Variants in TRAPPC10 observed in about 807,000 individuals in gnomAD.
TRAPPC10 encodes TRAPP 130 kDa subunit.
Under a neutral mutation model 125.5 loss-of-function variants are expected in TRAPPC10, and 23 were observed. That is an observed-to-expected ratio of 0.18 (90% CI 0.13 to 0.26). The LOEUF (loss-of-function observed/expected upper bound fraction) is 0.26, where lower values mean the gene tolerates loss of function less well. Among genes scored for constraint, TRAPPC10 ranks in the 10% least tolerant of loss-of-function variants. The pLI, the probability that TRAPPC10 is intolerant of heterozygous loss-of-function variation, is 1.00. For missense variants in TRAPPC10, 1,123 were observed against 1,308.4 expected (o/e 0.86, Z 2.19); for synonymous variants, 509 against 518.0 (o/e 0.98, Z 0.24).
intron 1 of TRAPPC10, among the ~76,000 whole-genome samples, chr21:44,012,991 G>A (rs977294085): frequency 6.6e-6 from 1 of 152,214 alleles, no homozygotes; most frequent in African/African-American, 2.4e-5. Context: ...GTCCTTGGGG[G>A]CTCGCAGAGT....
In TRAPPC10 at chr21:44,073,525, TC is replaced by T. The variant is rs563014856; in HGVS notation, c.1039-798del. ...CGATTTTGCTTTTCTGATAGTGTTT[TC>T]TTTTTTTTGTTTTTTAAGTGGAAAG... On this transcript the variant is annotated intron_variant, in intron 7 of 22. Transcript: ENST00000291574. 6.2e-3 allele frequency among the ~76,000 whole-genome samples: 947 copies of T among 152,292 alleles called. 14 individuals carry two copies. The highest frequency in any genetic ancestry group is 0.021 in the African/African-American group (876 of 41,546).
intron 15 of TRAPPC10, among the ~76,000 whole-genome samples, chr21:44,084,884 G>A (rs546228055): frequency 1.3e-5 from 2 of 152,348 alleles, no homozygotes; most frequent in African/African-American, 4.8e-5. Flanking sequence ...ATTATTATAA[G>A]GGATATAGAT....
At chr21:44,091,857 A>G in intron 18 of TRAPPC10, 66 bp from the exon 19 acceptor site, 1 of 1,507,350 alleles carries the variant, frequency 6.6e-7, no homozygotes, top group Admixed American at 1.8e-5. Context: ...TCTCCTTAAC[A>G]AAGCTAAGAT....
chr21:44,032,211 A>T, intron 2 of TRAPPC10, 39 bp downstream of exon 2: 1 of 1,507,302 alleles, frequency 6.6e-7, no homozygotes, highest in Non-Finnish European at 9.1e-7. Context: ...CCCTCTCTTC[A>T]TTTTTTAAAA....
chr21:44,069,440 A>G (rs891221857), intron 7 of TRAPPC10, among the ~76,000 whole-genome samples: 27 of 152,232 alleles, frequency 1.8e-4, no homozygotes, highest in African/African-American at 6.5e-4. Context: ...TGCAAACTGA[A>G]GCCATTATTA....
chr21:44,014,597 T>TG (rs1555921242), intron 1 of TRAPPC10, among the ~76,000 whole-genome samples: 2 of 150,840 alleles, frequency 1.3e-5, no homozygotes, highest in Admixed American at 6.6e-5. Flanking sequence ...GTTTTTGTTT[T>TG]TTTTTTTTTT....
At chr21:44,047,113 A>G (rs933307210) in intron 3 of TRAPPC10, 3 of 587,702 alleles carry the variant, frequency 5.1e-6, no homozygotes, top group Non-Finnish European at 9.7e-6. Flanking sequence ...AGATCCCACC[A>G]CCTACTCCTT....
At position 44,040,368 on chromosome 21, in the gene TRAPPC10, G is replaced by A. The variant is rs116943082; in HGVS notation, c.285+2441G>A. ...TCTCTCTTTTTTTTTTTAAAGACAA[G>A]GTCTTATTCTGTCACTCAGGCCAGA... On this transcript the variant is annotated intron_variant, in intron 3 of 22. Coordinates refer to ENST00000291574, the MANE Select transcript of TRAPPC10 (RefSeq NM_003274.5). 5.7e-4 allele frequency among the ~76,000 whole-genome samples: 87 copies of A among 151,686 alleles called. 1 individual carries two copies. The East Asian group carries it at 0.016, about 28-fold the overall frequency.
chr21:44,058,447 C>G (rs553046476), intron 5 of TRAPPC10, among the ~76,000 whole-genome samples: 2 of 152,072 alleles, frequency 1.3e-5, no homozygotes, highest in African/African-American at 4.8e-5. Context: ...GGGGATGTCT[C>G]GAAAGGATTT....
intron 3 of TRAPPC10, among the ~76,000 whole-genome samples, chr21:44,038,626 G>A (rs1269030246): frequency 1.3e-5 from 2 of 151,990 alleles, no homozygotes; most frequent in African/African-American, 2.4e-5. Flanking sequence ...TTCTTCTGTC[G>A]TGAACTAATA....
chr21:44,061,211 A>G (rs996159482), intron 6 of TRAPPC10, among the ~76,000 whole-genome samples: 4 of 152,052 alleles, frequency 2.6e-5, no homozygotes, highest in Non-Finnish European at 5.9e-5. Flanking sequence ...ATCTCGGCTC[A>G]CTGCAACCTC....
At position 44,035,794 on chromosome 21, in the gene TRAPPC10, TAAAAC is replaced by T. The variant is rs1158218994; in HGVS notation, c.150-1993_150-1989del. On this transcript the variant is annotated intron_variant, in intron 2 of 22. Coordinates refer to ENST00000291574, the MANE Select transcript of TRAPPC10 (RefSeq NM_003274.5). ...CTCTGGCTCAAAAAATAAAATGAAA[TAAAAC>T]AAAAAATAATTACTTTGATAAAAAG... is the stretch of plus-strand genomic sequence containing the variant. 2.6e-5 allele frequency among the ~76,000 whole-genome samples: 4 copies of T among 151,780 alleles called. 1 individual carries two copies. In the South Asian group the frequency reaches 6.3e-4, roughly 24 times the overall value.
intron 7 of TRAPPC10, among the ~76,000 whole-genome samples, chr21:44,065,622 C>T (rs754261106): frequency 3.9e-5 from 6 of 152,198 alleles, no homozygotes; most frequent in African/African-American, 4.8e-5. Flanking sequence ...TCTAAGAACC[C>T]GCTTCCTGTT....
In TRAPPC10 at chr21:44,012,380, G is replaced by A; in HGVS notation, c.-114G>A. The A allele has an allele frequency of 7.7e-6, 4 of 520,238 alleles. No individual in the cohort carries two copies. The highest frequency in any genetic ancestry group is 1.6e-4 in the South Asian group (2 of 12,494). 32.2% of individuals were successfully genotyped at this position (520,238 alleles called of 1,614,324 possible). A position where few individuals can be genotyped will look rare whatever the true frequency, so the allele number is the denominator to read the frequency against. ...CTGCGGCGCAACCGGCTCCGGAGCT[G>A]CCTGGCGCGGCCGGGCGGGCGGCGC... is the stretch of plus-strand genomic sequence containing the variant. On this transcript the variant is annotated 5_prime_UTR_variant, in exon 1 of 23. Coordinates refer to ENST00000291574, the MANE Select transcript of TRAPPC10 (RefSeq NM_003274.5).
At chr21:44,079,767 ACAAT>A in intron 12 of TRAPPC10, 63 bp downstream of exon 12, 1 of 1,530,192 alleles carries the variant, frequency 6.5e-7, no homozygotes, top group Non-Finnish European at 8.9e-7. Context: ...AACATTGCCC[ACAAT>A]CAATGTTTCA....
chr21:44,085,581 A>G (rs1378712469), intron 15 of TRAPPC10, among the ~76,000 whole-genome samples: 1 of 152,078 alleles, frequency 6.6e-6, no homozygotes, highest in African/African-American at 2.4e-5. Flanking sequence ...CTCTAGTCCT[A>G]GCTACAGGCT....
At position 44,063,929 on chromosome 21, in the gene TRAPPC10, G is replaced by C; in HGVS notation, c.1038+144G>C. ...GCCTTTAATTTTCAGTATATTGTTTGCTTAGTTACTTTTTACGTTGATAAA... is the reference window on the plus strand; with the variant it reads ...GCCTTTAATTTTCAGTATATTGTTTCCTTAGTTACTTTTTACGTTGATAAA... On this transcript the variant is annotated intron_variant, in intron 7 of 22. Coordinates refer to ENST00000291574, the MANE Select transcript of TRAPPC10 (RefSeq NM_003274.5). This position sits in a 1 kb window ranked among gnomAD's most constrained non-coding sequence, Gnocchi z 4.4. 8.3e-7 allele frequency: 1 copy of C among 1,208,454 alleles called. No homozygotes were observed. Among genetic ancestry groups the C allele is most frequent in the South Asian group, 1.5e-5 (1 of 65,166 alleles). 74.9% of individuals were successfully genotyped at this position (1,208,454 alleles called of 1,614,324 possible). A position where few individuals can be genotyped will look rare whatever the true frequency, so the allele number is the denominator to read the frequency against.
chr21:44,074,838 A>G (rs1407878178), intron 8 of TRAPPC10, among the ~76,000 whole-genome samples: 1 of 152,256 alleles, frequency 6.6e-6, no homozygotes, highest in Non-Finnish European at 1.5e-5. Context: ...GGTGAAGGAC[A>G]GAAGCGGAGG....
chr21:44,032,388 T>TC (rs1379085276), intron 2 of TRAPPC10, among the ~76,000 whole-genome samples: 1 of 147,156 alleles, frequency 6.8e-6, no homozygotes, highest in Non-Finnish European at 1.5e-5. Context: ...TCTTTTTTTT[T>TC]TTTTTTTTTT....
Sources: gnomAD v4.1 joint callset for allele counts (sites outside exome capture counted in the v4.1 genomes callset) on GRCh38, gnomAD v4.1.1 for gene constraint, Gnocchi (gnomAD v3.1) non-coding constraint, MANE v1.5 for transcripts, NCBI Gene and HGNC (gene_info 2026-07-23, HGNC 2026-07-21) for gene names.